DRC9: variants seen among roughly 807,000 people sequenced by gnomAD.
DRC9 encodes dynein regulatory complex subunit 9, also known as dynein regulatory complex protein 9.
chr3:197,915,088 C>T, the DRC9 span, among the ~76,000 whole-genome samples: 2 of 143,870 alleles, frequency 1.4e-5, no homozygotes, highest in Non-Finnish European at 3.0e-5. Flanking sequence ...CACTTGAACC[C>T]GGGAGGTGGA....
the DRC9 span, among the ~76,000 whole-genome samples, chr3:197,947,686 C>T: frequency 7.9e-5 from 12 of 152,210 alleles, no homozygotes; most frequent in South Asian, 6.2e-4. Flanking sequence ...GAGATGGACC[C>T]GTATGGAGTA....
chr3:197,920,368 T>A, the DRC9 span, among the ~76,000 whole-genome samples: 1 of 150,616 alleles, frequency 6.6e-6, no homozygotes, highest in East Asian at 1.9e-4. Context: ...CTTGGGAAGC[T>A]TGAGGCCAGG....
the DRC9 span, among the ~76,000 whole-genome samples, chr3:197,912,292 G>A: frequency 1.3e-5 from 2 of 149,310 alleles, no homozygotes; most frequent in South Asian, 4.3e-4. Flanking sequence ...CACCCTCCCC[G>A]GCCTCCCAAA....
chr3:197,903,196 A>C, the DRC9 span, among the ~76,000 whole-genome samples: 71 of 152,318 alleles, frequency 4.7e-4, no homozygotes, highest in Admixed American at 1.1e-3. Flanking sequence ...AAATTGGTTA[A>C]AGAGTTAAAC....
At chr3:197,921,217 A>G in the DRC9 span, among the ~76,000 whole-genome samples, 5 of 105,680 alleles carry the variant, frequency 4.7e-5, no homozygotes, top group South Asian at 5.8e-4. Context: ...ATGTAACCTG[A>G]TTTCGTCTTG....
At chr3:197,891,054 A>C in the DRC9 span, among the ~76,000 whole-genome samples, 1 of 152,210 alleles carries the variant, frequency 6.6e-6, no homozygotes, top group Non-Finnish European at 1.5e-5. Flanking sequence ...TTCCCACCTA[A>C]GCAGCTTGTA....
At chr3:197,891,275 C>G in the DRC9 span, among the ~76,000 whole-genome samples, 1 of 152,188 alleles carries the variant, frequency 6.6e-6, no homozygotes, top group African/African-American at 2.4e-5. Context: ...TGTTAACTGT[C>G]TCCCTGCACC....
the DRC9 span, among the ~76,000 whole-genome samples, chr3:197,907,381 C>T: frequency 6.6e-6 from 1 of 152,174 alleles, no homozygotes; most frequent in Admixed American, 6.5e-5. Flanking sequence ...ATCTCCACCT[C>T]ATCAAATGTA....
the DRC9 span, chr3:197,957,636 G>A: frequency 2.6e-5 from 4 of 152,104 alleles, no homozygotes; most frequent in Non-Finnish European, 5.9e-5. Context: ...CCAGAAGTGA[G>A]CAGTACTTCA....
chr3:197,953,509 C>T, the DRC9 span: 1 of 456,522 alleles, frequency 2.2e-6, no homozygotes, highest in Non-Finnish European at 4.4e-6. Flanking sequence ...CCCTTGGTGT[C>T]TTCAGTCTTT....
the DRC9 span, chr3:197,889,756 T>G: frequency 0.088 from 141,537 of 1,610,568 alleles, 6,833 homozygotes; most frequent in African/African-American, 0.14. Flanking sequence ...ATGCTATGCC[T>G]GACAAGCTGC....
chr3:197,939,020 T>TTTCAC, the DRC9 span: 1 of 467,600 alleles, frequency 2.1e-6, no homozygotes, highest in East Asian at 3.7e-5. Flanking sequence ...AAAAGTAAAG[T>TTTCAC]TCTTTGTGAA....
chr3:197,916,974 C>T, the DRC9 span, among the ~76,000 whole-genome samples: 1 of 152,074 alleles, frequency 6.6e-6, no homozygotes, highest in Admixed American at 6.5e-5. Flanking sequence ...CCATCCTGGG[C>T]CGCATGTGGC....
chr3:197,913,076 T>C, the DRC9 span: 5 of 261,746 alleles, frequency 1.9e-5, no homozygotes, highest in East Asian at 4.0e-4. Context: ...AGTGTTGACG[T>C]GGCCTTGAGC....
At chr3:197,955,649 G>T in the DRC9 span, 2 of 1,050,452 alleles carry the variant, frequency 1.9e-6, no homozygotes, top group Non-Finnish European at 3.0e-6. Flanking sequence ...ACTAGAACAT[G>T]TAATTGGTAG....
chr3:197,951,459 T>C, the DRC9 span: 6 of 840,174 alleles, frequency 7.1e-6, no homozygotes, highest in Admixed American at 9.8e-5. Flanking sequence ...TTCAAGCAAG[T>C]GTCCTGTCTC....
the DRC9 span, among the ~76,000 whole-genome samples, chr3:197,934,026 G>A: frequency 1.4e-4 from 21 of 150,042 alleles, no homozygotes; most frequent in Admixed American, 1.4e-3. Flanking sequence ...TTTGCTAAGA[G>A]GTTTTTAGTG....
the DRC9 span, chr3:197,951,248 A>T: frequency 3.7e-6 from 6 of 1,614,046 alleles, 1 homozygote; most frequent in East Asian, 8.9e-5. Context: ...GAAGGTGTTT[A>T]CGCCCGAGAT....
chr3:197,931,715 C>T, the DRC9 span, among the ~76,000 whole-genome samples: 1 of 151,920 alleles, frequency 6.6e-6, no homozygotes, highest in Non-Finnish European at 1.5e-5. Flanking sequence ...AGCTCTGCCT[C>T]CCGGGTTCAG....
Sources: gnomAD v4.1 joint callset for allele counts (sites outside exome capture counted in the v4.1 genomes callset) on GRCh38, gnomAD v4.1.1 for gene constraint, MANE v1.5 for transcripts, NCBI Gene and HGNC (gene_info 2026-07-23, HGNC 2026-07-21) for gene names.